The following KEAP1 variants were observed in gnomAD, a reference collection of about 807,000 sequenced individuals.
KEAP1 encodes kelch like ECH associated protein 1.
A neutral mutation model predicts 59.7 loss-of-function variants in KEAP1; 26 were observed. That is an observed-to-expected ratio of 0.44 (90% CI 0.32 to 0.60). The LOEUF (loss-of-function observed/expected upper bound fraction) is 0.60, where lower values mean the gene tolerates loss of function less well. KEAP1 is among the 20% of genes least tolerant of loss of function. The probability of loss-of-function intolerance (pLI) is 0.06; values close to 1 mark genes in which losing one functional copy is unlikely to be tolerated. For missense variants in KEAP1, 539 were observed against 871.4 expected, an observed-to-expected ratio of 0.62 and a Z score of 4.80; for synonymous variants, 350 against 358.3, an observed-to-expected ratio of 0.98 and a Z score of 0.26.
In KEAP1 at chr19:10,491,325, A is replaced by C. The variant is rs1568397944; in HGVS notation, c.1325+252T>G. On this transcript the variant is annotated intron_variant, in intron 3 of 5. Transcript: ENST00000171111. This position sits in a 1 kb window ranked among gnomAD's most constrained non-coding sequence, Gnocchi z 5.2. The stretch of plus-strand genomic sequence containing the variant: ...TGCCTAGCCCAACAATTTCAAACTG[A>C]TGGAACATTTTCCAACTCCGCACAA... 6.6e-6 allele frequency among the ~76,000 whole-genome samples: 1 copy of C among 152,110 alleles called. No individual in the cohort carries two copies. The highest frequency in any genetic ancestry group is 1.5e-5 in the Non-Finnish European group (1 of 68,020).
intron 2 of KEAP1, chr19:10,492,470 G>C (rs1041026993): frequency 1.8e-6 from 1 of 561,594 alleles, no homozygotes; most frequent in Non-Finnish European, 3.2e-6. Flanking sequence ...TGTAATGCCA[G>C]CACTTTGGGA....
chr19:10,499,275 C>T lies in KEAP1; in HGVS notation c.639+120G>A, dbSNP rs1250600129. On this transcript the variant is annotated intron_variant, in intron 2 of 5. Transcript: ENST00000171111. The surrounding 1 kb of genome is among the most constrained non-coding windows in gnomAD (Gnocchi z 6.7). ...GTGGAGACTACACCACCATACCCAG[C>T]CCAGAACCTCCTTTTTCTCCAGTTT... 4 of 974,412 alleles carry T rather than the reference C, an allele frequency of 4.1e-6. No homozygotes were observed. Among genetic ancestry groups the T allele is most frequent in the Non-Finnish European group, 3.0e-6 (2 of 663,180 alleles). 60.4% of individuals were successfully genotyped at this position (974,412 alleles called of 1,614,324 possible).
At position 10,486,340 on chromosome 19, in the gene KEAP1, C is replaced by T. The variant is rs546160536; in HGVS notation, c.*312G>A. On this transcript the variant is annotated 3_prime_UTR_variant, in exon 6 of 6. Transcript: ENST00000171111. ...GAATAAATCACATGGTGACAGCTGC[C>T]GGCATGGGTGAGTGGGACCCAGGCC... 5 of 300,008 alleles carry T rather than the reference C, an allele frequency of 1.7e-5. No homozygotes were observed. The highest frequency in any genetic ancestry group is 4.9e-5 in the Admixed American group (1 of 20,256). 18.6% of individuals were successfully genotyped at this position (300,008 alleles called of 1,614,324 possible).
chr19:10,489,463 C>A (rs1240360205), intron 4 of KEAP1, 95 bp from the exon 5 acceptor site: 3 of 1,326,738 alleles, frequency 2.3e-6, no homozygotes, highest in Non-Finnish European at 3.1e-6. Flanking sequence ...TCTCTCCTCT[C>A]CCTTCTCACC....
intron 2 of KEAP1, among the ~76,000 whole-genome samples, chr19:10,494,486 A>G (rs1285842323): frequency 1.3e-5 from 2 of 148,900 alleles, no homozygotes; most frequent in South Asian, 2.1e-4. Context: ...GCCCACCACC[A>G]CACCCGGCTA....
At chr19:10,488,171 C>T (rs922496987) in intron 5 of KEAP1, among the ~76,000 whole-genome samples, 1 of 151,930 alleles carries the variant, frequency 6.6e-6, no homozygotes, top group African/African-American at 2.4e-5. Flanking sequence ...CCTGTATTCC[C>T]AGCTACTCAG....
intron 2 of KEAP1, among the ~76,000 whole-genome samples, chr19:10,493,021 A>G (rs772490547): frequency 6.6e-5 from 10 of 151,174 alleles, no homozygotes; most frequent in Non-Finnish European, 1.5e-4. Flanking sequence ...TTTGATATGG[A>G]TTCTTACTCT....
chr19:10,501,108 A>G (rs968079203), intron 1 of KEAP1, among the ~76,000 whole-genome samples: 1 of 152,164 alleles, frequency 6.6e-6, no homozygotes, highest in African/African-American at 2.4e-5. Flanking sequence ...AGGAAACAGT[A>G]AGTGCAGTGG....
At chr19:10,500,321 A>G (rs1313935457) in intron 1 of KEAP1, among the ~76,000 whole-genome samples, 1 of 152,148 alleles carries the variant, frequency 6.6e-6, no homozygotes, top group Non-Finnish European at 1.5e-5. Context: ...AATGCCTCCC[A>G]CAGTACCTAG....
chr19:10,493,591 TCGCTCTTTTGCC>T (rs1914753529), intron 2 of KEAP1, among the ~76,000 whole-genome samples: 1 of 135,240 alleles, frequency 7.4e-6, no homozygotes, highest in South Asian at 2.5e-4. Context: ...AGATGGAGTC[TCGCTCTTTTGCC>T]CAGGCCGGAC....
At chr19:10,500,817 C>A (rs1915019061) in intron 1 of KEAP1, among the ~76,000 whole-genome samples, 2 of 151,720 alleles carry the variant, frequency 1.3e-5, no homozygotes, top group South Asian at 2.1e-4. Context: ...GTAGCTGGGA[C>A]TACAGGCGTC....
At chr19:10,492,568 A>C in intron 2 of KEAP1, 2 of 298,046 alleles carry the variant, frequency 6.7e-6, no homozygotes, top group East Asian at 7.6e-5. Context: ...AAATACAAAA[A>C]TTACCCGGGT....
At chr19:10,494,269 G>T (rs1228299312) in intron 2 of KEAP1, among the ~76,000 whole-genome samples, 1 of 148,104 alleles carries the variant, frequency 6.8e-6, no homozygotes, top group Non-Finnish European at 1.5e-5. Flanking sequence ...GAGCTCAAAT[G>T]ATTCTCCTAC....
chr19:10,499,543 A>C lies in KEAP1; in HGVS notation c.491T>G (p.Ile164Ser). 6.2e-7 allele frequency: 1 copy of C among 1,614,166 alleles called. No individual in the cohort carries two copies. The highest frequency in any genetic ancestry group is 8.5e-7 in the Non-Finnish European group (1 of 1,180,034). ...HVMNGAVMYQIDSVVRACSDF... is the reference protein window; with the variant it reads ...HVMNGAVMYQSDSVVRACSDF... ...ACTGCAGGCACGGACAACGCTGTCGATCTGGTACATGACAGCACCGTTCAT... is the reference window on the plus strand; with the variant it reads ...ACTGCAGGCACGGACAACGCTGTCGCTCTGGTACATGACAGCACCGTTCAT... The change falls in exon 2 of 6, where the codon ATC becomes AGC. Residue 164 changes from isoleucine (I) to serine (S), a missense_variant. Physicochemically the swap from Ile to Ser is moderately radical, Grantham distance 142 (BLOSUM62 -2). This residue lies in a region of KEAP1 where 166 missense variants were observed against 295.8 expected (regional missense o/e 0.56). Transcript: ENST00000171111. The surrounding 1 kb of genome is among the most constrained non-coding windows in gnomAD (Gnocchi z 6.7).
intron 2 of KEAP1, among the ~76,000 whole-genome samples, chr19:10,495,755 G>C (rs889894107): frequency 6.6e-6 from 1 of 151,812 alleles, no homozygotes; most frequent in African/African-American, 2.4e-5. Context: ...ATTTTGATCC[G>C]ACCACTTCGT....
chr19:10,497,323 G>A (rs1914886222), intron 2 of KEAP1, among the ~76,000 whole-genome samples: 1 of 152,108 alleles, frequency 6.6e-6, no homozygotes, highest in Non-Finnish European at 1.5e-5. Context: ...AACATAGAGG[G>A]TAGGAAAGAA....
intron 2 of KEAP1, chr19:10,492,728 G>GA (rs887698496): frequency 3.7e-3 from 493 of 133,734 alleles, no homozygotes; most frequent in South Asian, 0.01. Context: ...CTGTCTCAAA[G>GA]AAAAAAAAAA....
intron 5 of KEAP1, among the ~76,000 whole-genome samples, chr19:10,487,892 G>T (rs12980919): frequency 2.0e-5 from 3 of 151,990 alleles, no homozygotes; most frequent in Non-Finnish European, 2.9e-5. Flanking sequence ...CCTCTGGGAG[G>T]CCGAGGCGGG....
chr19:10,500,496 C>T (rs1162634334), intron 1 of KEAP1, among the ~76,000 whole-genome samples: 1 of 152,124 alleles, frequency 6.6e-6, no homozygotes, highest in South Asian at 2.1e-4. Context: ...CTACTGTATG[C>T]CAGGCACTGA....
Sources: allele counts gnomAD v4.1 joint callset (sites outside exome capture counted in the v4.1 genomes callset), GRCh38; gene constraint gnomAD v4.1.1; regional missense constraint gnomAD v4.1.1; non-coding constraint Gnocchi (gnomAD v3.1); transcripts MANE v1.5; gene names NCBI Gene and HGNC (gene_info 2026-07-23, HGNC 2026-07-21).